The following EGFLAM variants were observed in gnomAD, a reference collection of about 807,000 sequenced individuals.
The protein encoded by EGFLAM is pikachurin.
Under a neutral mutation model 113.1 loss-of-function variants are expected in EGFLAM, and 79 were observed. The ratio of observed to expected loss-of-function variants is 0.70; its 90% CI spans 0.58 to 0.84. EGFLAM has a LOEUF of 0.84. EGFLAM is among the 40% of genes least tolerant of loss of function. The probability of loss-of-function intolerance (pLI) is 0.00; values close to 1 mark genes in which losing one functional copy is unlikely to be tolerated. For missense variants in EGFLAM, 1,265 were observed against 1,291.6 expected (o/e 0.98, Z 0.32); for synonymous variants, 504 against 487.6 (o/e 1.03, Z -0.44).
At chr5:38,296,183 A>G (rs904558920) in intron 1 of EGFLAM, among the ~76,000 whole-genome samples, 2 of 152,204 alleles carry the variant, frequency 1.3e-5, no homozygotes, top group Non-Finnish European at 2.9e-5. Flanking sequence ...CAGGTTAGGA[A>G]GAAGAGTTGT....
chr5:38,395,741 C>T (rs373244192), intron 6 of EGFLAM, among the ~76,000 whole-genome samples: 4 of 152,170 alleles, frequency 2.6e-5, no homozygotes, highest in East Asian at 3.9e-4. Context: ...CGACAAGCTA[C>T]ATCTGCTCTC....
intron 1 of EGFLAM, among the ~76,000 whole-genome samples, chr5:38,320,799 G>A (rs1738718909): frequency 6.6e-6 from 1 of 152,068 alleles, no homozygotes; most frequent in Non-Finnish European, 1.5e-5. Flanking sequence ...CAAACAAGGT[G>A]TGGAGGAACC....
At chr5:38,339,095 G>GT (rs1180798925) in intron 3 of EGFLAM, among the ~76,000 whole-genome samples, 2 of 151,662 alleles carry the variant, frequency 1.3e-5, no homozygotes, top group African/African-American at 2.4e-5. Context: ...GTTCAGTTCT[G>GT]TTTTTTTTAA....
At chr5:38,453,018 G>A (rs750148381) in intron 19 of EGFLAM, among the ~76,000 whole-genome samples, 2 of 152,116 alleles carry the variant, frequency 1.3e-5, no homozygotes, top group African/African-American at 2.4e-5. Flanking sequence ...GTTAGACATC[G>A]CTCATCTAGA....
intron 18 of EGFLAM, among the ~76,000 whole-genome samples, chr5:38,448,604 C>T (rs946896757): frequency 5.9e-5 from 9 of 152,060 alleles, no homozygotes; most frequent in African/African-American, 1.9e-4. Flanking sequence ...TTCAGATAAC[C>T]CTGTTACAAA....
Position 38,352,314 on chromosome 5 carries a change from T to C in EGFLAM, c.528T>C (p.Tyr176=), listed in dbSNP as rs1739649197. Residue 176 remains tyrosine (Y), a synonymous_variant, in exon 5 of 22, where the codon TAT becomes TAC. Coordinates refer to ENST00000322350, the MANE Select transcript of EGFLAM (RefSeq NM_152403.4). The stretch of plus-strand genomic sequence containing the variant: ...AAGGAAGCGCCCCTATTCAGTACTA[T>C]TCTGTGGAATTCATCAGGTAAGTCT... ...ASEGSAPIQY[Y]SVEFIRPDFD... The C allele has an allele frequency of 6.2e-7, 1 of 1,613,984 alleles. No individual in the cohort carries two copies. The highest frequency in any genetic ancestry group is 1.7e-5 in the Admixed American group (1 of 60,006).
chr5:38,315,160 C>A (rs1421259256), intron 1 of EGFLAM, among the ~76,000 whole-genome samples: 1 of 152,074 alleles, frequency 6.6e-6, no homozygotes, highest in Non-Finnish European at 1.5e-5. Context: ...TTTTTCAAGT[C>A]TTATTATCCT....
chr5:38,431,092 G>A (rs1414296807), intron 14 of EGFLAM, 85 bp from the exon 15 acceptor site: 1 of 1,199,436 alleles, frequency 8.3e-7, no homozygotes, highest in Non-Finnish European at 1.2e-6. Context: ...GACACACCCA[G>A]AAATAATGTT....
chr5:38,394,900 T>G (rs1740916452), intron 6 of EGFLAM, among the ~76,000 whole-genome samples: 1 of 152,308 alleles, frequency 6.6e-6, no homozygotes, highest in East Asian at 1.9e-4. Context: ...TTTGTTTCAC[T>G]GTTACTGTTG....
intron 12 of EGFLAM, among the ~76,000 whole-genome samples, chr5:38,423,114 G>A (rs907711773): frequency 1.3e-5 from 2 of 152,154 alleles, no homozygotes; most frequent in African/African-American, 4.8e-5. Context: ...GCCAGGTCCT[G>A]TTCACAGCCA....
chr5:38,282,314 A>G (rs1758038462), intron 1 of EGFLAM: 1 of 152,168 alleles, frequency 6.6e-6, no homozygotes, highest in Admixed American at 6.5e-5. Context: ...AAATAAGGGG[A>G]GGGGAAGTGA....
chr5:38,356,005 C>T (rs1739752896), intron 5 of EGFLAM, among the ~76,000 whole-genome samples: 1 of 152,218 alleles, frequency 6.6e-6, no homozygotes, highest in African/African-American at 2.4e-5. Context: ...AGTGATCCAC[C>T]TGCCTCAGCC....
intron 17 of EGFLAM, among the ~76,000 whole-genome samples, chr5:38,442,351 T>C (rs1322082645): frequency 6.8e-6 from 1 of 147,902 alleles, no homozygotes; most frequent in East Asian, 1.9e-4. Flanking sequence ...TTTAAAATAT[T>C]AAATTATATT....
In EGFLAM at chr5:38,463,745, A is replaced by C. The variant is rs1743368267; in HGVS notation, c.2876-87A>C. ...TCAAGGGATGCCTTGGCCAGCAGCC[A>C]TTCAAGTGCCCCAAACTGGAACCCC... is the stretch of plus-strand genomic sequence containing the variant. On this transcript the variant is annotated intron_variant, in intron 21 of 21. Transcript: ENST00000322350. 2.6e-6 allele frequency: 4 copies of C among 1,542,982 alleles called. No homozygotes were observed. The East Asian group carries it at 9.0e-5, about 35-fold the overall frequency.
chr5:38,359,011 A>G (rs1472980465), intron 5 of EGFLAM, among the ~76,000 whole-genome samples: 1 of 152,248 alleles, frequency 6.6e-6, no homozygotes, highest in Non-Finnish European at 1.5e-5. Flanking sequence ...TTATTAAAAT[A>G]AGAACCAAGC....
intron 3 of EGFLAM, among the ~76,000 whole-genome samples, chr5:38,341,900 T>C (rs1019120362): frequency 2.0e-5 from 3 of 152,110 alleles, no homozygotes; most frequent in African/African-American, 4.8e-5. Flanking sequence ...TACAGATTTA[T>C]TTTACTCATG....
intron 1 of EGFLAM, among the ~76,000 whole-genome samples, chr5:38,266,632 A>C (rs1277560105): frequency 6.6e-6 from 1 of 152,234 alleles, no homozygotes; most frequent in Non-Finnish European, 1.5e-5. Context: ...ATTGAATTGT[A>C]ACATTTTTCA....
At chr5:38,458,872 T>G (rs1396684437) in intron 20 of EGFLAM, among the ~76,000 whole-genome samples, 3 of 151,536 alleles carry the variant, frequency 2.0e-5, no homozygotes, top group Admixed American at 2.0e-4. Flanking sequence ...TCCTAACTAC[T>G]CGGGAGGCTG....
chr5:38,408,852 T>C, intron 9 of EGFLAM, 152 bp from the exon 10 acceptor site: 1 of 691,032 alleles, frequency 1.4e-6, no homozygotes, highest in Non-Finnish European at 2.6e-6. Context: ...ACCAGGTATC[T>C]GGGAGTGAAT....
Sources: allele counts gnomAD v4.1 joint callset (sites outside exome capture counted in the v4.1 genomes callset), GRCh38; gene constraint gnomAD v4.1.1; transcripts MANE v1.5; gene names NCBI Gene and HGNC (gene_info 2026-07-23, HGNC 2026-07-21).